ITGA9: variants seen among roughly 807,000 people sequenced by gnomAD.
The protein encoded by ITGA9 is integrin alpha-9.
In ITGA9, 56 loss-of-function variants were observed where a neutral mutation model predicts 127.8. The observed-to-expected ratio is 0.44, with a 90% confidence interval of 0.35 to 0.55. The LOEUF is 0.55. Among genes scored for constraint, ITGA9 ranks in the 20% least tolerant of loss-of-function variants. The pLI is 0.00. For missense variants in ITGA9, 1,196 were observed against 1,347.1 expected, an observed-to-expected ratio of 0.89 and a Z score of 1.76; for synonymous variants, 508 against 514.5, an observed-to-expected ratio of 0.99 and a Z score of 0.17.
chr3:37,496,597 G>A (rs1460664557), intron 5 of ITGA9, among the ~76,000 whole-genome samples: 1 of 152,210 alleles, frequency 6.6e-6, no homozygotes, highest in Non-Finnish European at 1.5e-5. Flanking sequence ...TGGTCCCCAT[G>A]TAGCAGCCAG....
At chr3:37,699,212 C>G (rs1700919847) in intron 18 of ITGA9, among the ~76,000 whole-genome samples, 1 of 152,184 alleles carries the variant, frequency 6.6e-6, no homozygotes, top group Non-Finnish European at 1.5e-5. Context: ...ATATCATGGA[C>G]ATGCTGACAA....
intron 18 of ITGA9, among the ~76,000 whole-genome samples, chr3:37,693,704 G>A (rs1368168485): frequency 1.3e-5 from 2 of 152,184 alleles, no homozygotes; most frequent in African/African-American, 4.8e-5. Context: ...AACTGCATCT[G>A]GGCAGGAGAA....
intron 3 of ITGA9, 121 bp downstream of exon 3, chr3:37,473,581 C>T: frequency 1.6e-6 from 1 of 625,264 alleles, no homozygotes; most frequent in Admixed American, 2.9e-5. Flanking sequence ...TTCTGGACTA[C>T]TGCTTAGACA....
At chr3:37,738,908 C>T (rs1170016931) in intron 20 of ITGA9, among the ~76,000 whole-genome samples, 2 of 152,236 alleles carry the variant, frequency 1.3e-5, no homozygotes, top group African/African-American at 2.4e-5. Flanking sequence ...CATGTCCACA[C>T]AGCAGCAGTG....
intron 15 of ITGA9, among the ~76,000 whole-genome samples, chr3:37,601,398 A>G (rs1359653907): frequency 6.6e-6 from 1 of 152,210 alleles, no homozygotes; most frequent in Non-Finnish European, 1.5e-5. Context: ...AATAAAGCTA[A>G]TGAGAGAGCA....
chr3:37,538,830 C>T (rs1699238813), intron 14 of ITGA9, among the ~76,000 whole-genome samples: 1 of 152,164 alleles, frequency 6.6e-6, no homozygotes, highest in Non-Finnish European at 1.5e-5. Context: ...AAGTAATTTC[C>T]TTTGGGGTAA....
At chr3:37,465,958 G>A (rs169188) in intron 1 of ITGA9, among the ~76,000 whole-genome samples, 11,630 of 152,108 alleles carry the variant, frequency 0.076, 505 homozygotes, top group Admixed American at 0.12. Flanking sequence ...ACTGGGGTGC[G>A]TGCTACAGCT....
chr3:37,739,428 C>T (rs1355411930), intron 20 of ITGA9, among the ~76,000 whole-genome samples: 1 of 152,252 alleles, frequency 6.6e-6, no homozygotes, highest in Non-Finnish European at 1.5e-5. Flanking sequence ...AGGGCACCCA[C>T]ACACAGCGCT....
chr3:37,751,526 C>A (rs949157490), intron 23 of ITGA9, among the ~76,000 whole-genome samples: 7 of 152,058 alleles, frequency 4.6e-5, no homozygotes, highest in Non-Finnish European at 2.9e-5. Flanking sequence ...TGGGCAAAAT[C>A]ATCTATTGAC....
chr3:37,783,181 ATTC>A (rs1482421180), intron 25 of ITGA9, among the ~76,000 whole-genome samples: 3 of 151,548 alleles, frequency 2.0e-5, no homozygotes, highest in Non-Finnish European at 4.4e-5. Context: ...TTTTGGAAGT[ATTC>A]TTCTTTCAGT....
At chr3:37,523,036 A>G (rs1347070864) in intron 11 of ITGA9, among the ~76,000 whole-genome samples, 2 of 152,202 alleles carry the variant, frequency 1.3e-5, no homozygotes, top group East Asian at 3.8e-4. Context: ...CCAGCTGGAC[A>G]TGTTAATTAC....
chr3:37,764,308 C>T (rs574911618), intron 23 of ITGA9, among the ~76,000 whole-genome samples: 8 of 151,906 alleles, frequency 5.3e-5, no homozygotes, highest in Non-Finnish European at 1.2e-4. Context: ...AATCCTGTGC[C>T]TCTTCATCCA....
At position 37,503,167 on chromosome 3, in the gene ITGA9, C is replaced by G. The variant is rs917466732; in HGVS notation, c.613-11C>G. On this transcript the variant is annotated splice_polypyrimidine_tract_variant and intron_variant, in intron 5 of 27. Coordinates refer to ENST00000264741, the MANE Select transcript of ITGA9 (RefSeq NM_002207.3). ...TCCTTCTCTGCTTACCGTTGGATTTCTTTTTGGTAGGAGCTGGTGGTGATG... is the reference window on the plus strand; with the variant it reads ...TCCTTCTCTGCTTACCGTTGGATTTGTTTTTGGTAGGAGCTGGTGGTGATG... The G allele has an allele frequency of 2.5e-6, 4 of 1,613,508 alleles. No individual in the cohort carries two copies. Among genetic ancestry groups the G allele is most frequent in the Non-Finnish European group, 3.4e-6 (4 of 1,179,770 alleles).
intron 27 of ITGA9, chr3:37,808,370 A>G (rs74982137): frequency 0.04 from 6,158 of 152,268 alleles, 163 homozygotes; most frequent in Middle Eastern, 0.079. Flanking sequence ...TGTGGGTCAT[A>G]TGTCTCCCAC....
intron 23 of ITGA9, among the ~76,000 whole-genome samples, chr3:37,771,341 A>G (rs975697976): frequency 2.0e-5 from 3 of 152,182 alleles, no homozygotes; most frequent in African/African-American, 7.2e-5. Context: ...GATAGTCAGT[A>G]ATTGTTTATC....
At chr3:37,476,072 C>T (rs1559515531) in intron 3 of ITGA9, among the ~76,000 whole-genome samples, 1 of 152,090 alleles carries the variant, frequency 6.6e-6, no homozygotes, top group African/African-American at 2.4e-5. Flanking sequence ...ATGAATTCAC[C>T]ATGTTTTCTT....
At chr3:37,735,016 C>A (rs779942806) in intron 19 of ITGA9, among the ~76,000 whole-genome samples, 37 of 152,342 alleles carry the variant, frequency 2.4e-4, no homozygotes, top group Non-Finnish European at 3.2e-4. Flanking sequence ...GCCCAGCGTG[C>A]ACTCCCATGT....
intron 17 of ITGA9, among the ~76,000 whole-genome samples, chr3:37,677,676 C>T (rs908534435): frequency 3.3e-5 from 5 of 152,226 alleles, no homozygotes; most frequent in African/African-American, 1.2e-4. Context: ...GGGGTTAGAG[C>T]TCTGCCCTTG....
chr3:37,525,882 A>C, intron 12 of ITGA9, 144 bp from the exon 13 acceptor site: 1 of 730,478 alleles, frequency 1.4e-6, no homozygotes, highest in South Asian at 1.5e-5. Flanking sequence ...CATTCTTACA[A>C]GATCATTGTA....
Sources: gnomAD v4.1 joint callset for allele counts (sites outside exome capture counted in the v4.1 genomes callset) on GRCh38, gnomAD v4.1.1 for gene constraint, MANE v1.5 for transcripts, NCBI Gene and HGNC (gene_info 2026-07-23, HGNC 2026-07-21) for gene names.